Variants in BCKDHB observed in about 807,000 individuals in gnomAD.
BCKDHB encodes 2-oxoisovalerate dehydrogenase subunit beta, mitochondrial.
A neutral mutation model predicts 48.5 loss-of-function variants in BCKDHB; 41 were observed. That is an observed-to-expected ratio of 0.85 (90% CI 0.66 to 1.10). BCKDHB has a LOEUF of 1.10. BCKDHB is among the 50% of genes least tolerant of loss of function. The pLI is 0.00. For synonymous variants in BCKDHB, 201 were observed against 174.8 expected, an observed-to-expected ratio of 1.15 and a Z score of -1.18; for missense variants, 496 against 494.2, an observed-to-expected ratio of 1.00 and a Z score of -0.03.
At chr6:80,461,171 T>G in the BCKDHB span, among the ~76,000 whole-genome samples, 1 of 152,150 alleles carries the variant, frequency 6.6e-6, no homozygotes, top group Non-Finnish European at 1.5e-5. Flanking sequence ...TACTTGGATG[T>G]TCTTCTGGTA....
chr6:80,362,976 A>C, the BCKDHB span, among the ~76,000 whole-genome samples: 1 of 152,150 alleles, frequency 6.6e-6, no homozygotes, highest in Non-Finnish European at 1.5e-5. Context: ...TACATAATTA[A>C]ATGTAGCTAT....
At chr6:80,219,610 C>T (rs934464449) in intron 8 of BCKDHB, among the ~76,000 whole-genome samples, 1 of 152,164 alleles carries the variant, frequency 6.6e-6, no homozygotes, top group Non-Finnish European at 1.5e-5. Context: ...CTTAAAGGCA[C>T]CATTTCCTGG....
chr6:80,357,251 AAGG>A, the BCKDHB span, among the ~76,000 whole-genome samples: 11 of 152,182 alleles, frequency 7.2e-5, no homozygotes, highest in African/African-American at 2.7e-4. Context: ...CTGAAGGAGC[AAGG>A]AGGAGGGAAT....
At chr6:80,219,885 C>A (rs566050642) in intron 8 of BCKDHB, among the ~76,000 whole-genome samples, 4 of 151,872 alleles carry the variant, frequency 2.6e-5, no homozygotes, top group African/African-American at 9.7e-5. Flanking sequence ...TTGATGCCAC[C>A]CTGATTCTTA....
the BCKDHB span, among the ~76,000 whole-genome samples, chr6:80,449,895 T>C: frequency 6.6e-6 from 1 of 152,210 alleles, no homozygotes; most frequent in African/African-American, 2.4e-5. Context: ...TCTTCTTCTT[T>C]TTTTAACGTT....
chr6:80,346,840 C>T (rs565617164), downstream of BCKDHB, among the ~76,000 whole-genome samples: 8 of 152,136 alleles, frequency 5.3e-5, 1 homozygote, highest in South Asian at 1.0e-3. Flanking sequence ...TTCTAAATAA[C>T]GAATCCTCCA....
At chr6:80,342,540 A>G (rs1484615578) in intron 9 of BCKDHB, among the ~76,000 whole-genome samples, 1 of 144,452 alleles carries the variant, frequency 6.9e-6, no homozygotes, top group African/African-American at 2.6e-5. Context: ...GGGCAACATA[A>G]GAAGACCTCA....
intron 6 of BCKDHB, among the ~76,000 whole-genome samples, chr6:80,183,126 C>T (rs1376698460): frequency 6.6e-6 from 1 of 152,040 alleles, no homozygotes; most frequent in Non-Finnish European, 1.5e-5. Context: ...TGTAAATATT[C>T]TACAACCTGT....
At chr6:80,110,325 C>G (rs1049144280) in intron 1 of BCKDHB, among the ~76,000 whole-genome samples, 1 of 152,122 alleles carries the variant, frequency 6.6e-6, no homozygotes, top group Non-Finnish European at 1.5e-5. Context: ...ATGGACCTGT[C>G]GGAGGGTAAT....
chr6:80,258,884 T>TC (rs1562181946), intron 8 of BCKDHB, among the ~76,000 whole-genome samples: 1 of 152,076 alleles, frequency 6.6e-6, no homozygotes, highest in South Asian at 2.1e-4. Flanking sequence ...TCTTCCAGAC[T>TC]CCCCCCCAGT....
chr6:80,390,168 G>A, the BCKDHB span, among the ~76,000 whole-genome samples: 1 of 152,194 alleles, frequency 6.6e-6, no homozygotes, highest in African/African-American at 2.4e-5. Context: ...ACAGAGGTAA[G>A]GAAGAGTATG....
chr6:80,319,142 C>T (rs1470083050), intron 9 of BCKDHB, among the ~76,000 whole-genome samples: 1 of 152,086 alleles, frequency 6.6e-6, no homozygotes, highest in South Asian at 2.1e-4. Context: ...TTCACTCAGG[C>T]CTTATGGAAT....
chr6:80,425,614 G>T, the BCKDHB span, among the ~76,000 whole-genome samples: 1 of 152,160 alleles, frequency 6.6e-6, no homozygotes, highest in African/African-American at 2.4e-5. Context: ...CAACAGTTTT[G>T]AACACTTAGT....
Position 80,343,768 on chromosome 6 carries a change from G to A in BCKDHB, c.1143G>A (p.Lys381=), listed in dbSNP as rs143579400. 36 of 1,613,968 alleles carry A rather than the reference G, an allele frequency of 2.2e-5. No homozygotes were observed. In the African/African-American group the frequency reaches 4.5e-4, roughly 20 times the overall value. ...CATTCTACATCCCAGACAAATGGAA[G>A]TGTTATGATGCCCTTCGAAAAATGA... ...FEPFYIPDKW[K]CYDALRKMIN... is the part of the protein sequence containing the mutation. The change falls in exon 10 of 10, where the codon AAG becomes AAA. Residue 381 remains lysine (K), a synonymous_variant. Transcript: ENST00000320393.
At chr6:80,113,650 C>T (rs1227655977) in intron 1 of BCKDHB, among the ~76,000 whole-genome samples, 3 of 152,162 alleles carry the variant, frequency 2.0e-5, no homozygotes, top group African/African-American at 7.2e-5. Flanking sequence ...AAATACGTTA[C>T]TGGTGGAGGA....
At chr6:80,242,985 G>A (rs1776450898) in intron 8 of BCKDHB, among the ~76,000 whole-genome samples, 1 of 152,132 alleles carries the variant, frequency 6.6e-6, no homozygotes, top group African/African-American at 2.4e-5. Context: ...TCTCTCGATC[G>A]GGCAAAGGAT....
At chr6:80,196,839 A>G (rs1028875041) in intron 6 of BCKDHB, among the ~76,000 whole-genome samples, 1 of 126,956 alleles carries the variant, frequency 7.9e-6, no homozygotes, top group African/African-American at 2.5e-5. Flanking sequence ...TGTACACGGA[A>G]GTGTATATGT....
chr6:80,409,603 T>TATAA, the BCKDHB span, among the ~76,000 whole-genome samples: 3 of 64,928 alleles, frequency 4.6e-5, 1 homozygote, highest in South Asian at 1.5e-3. Flanking sequence ...TATATATATA[T>TATAA]ATATATATAT....
chr6:80,350,102 A>G (rs974955524), downstream of BCKDHB, among the ~76,000 whole-genome samples: 2 of 152,074 alleles, frequency 1.3e-5, no homozygotes, highest in African/African-American at 4.8e-5. Context: ...TCAATAGTAA[A>G]TATTCGAACT....
Sources: allele counts gnomAD v4.1 joint callset (sites outside exome capture counted in the v4.1 genomes callset), GRCh38; gene constraint gnomAD v4.1.1; transcripts MANE v1.5; gene names NCBI Gene and HGNC (gene_info 2026-07-23, HGNC 2026-07-21).